Variants in ASTN2 observed in about 807,000 individuals in gnomAD.
ASTN2 encodes the protein astrotactin-2.
ASTN2 carries 54 observed loss-of-function variants against 139.8 expected under a neutral mutation model. That is an observed-to-expected ratio of 0.39 (90% CI 0.31 to 0.48). The LOEUF (loss-of-function observed/expected upper bound fraction) is 0.48. Among genes scored for constraint, ASTN2 ranks in the 20% least tolerant of loss-of-function variants. The pLI is 0.95. For synonymous variants in ASTN2, 756 were observed against 719.5 expected, an observed-to-expected ratio of 1.05 and a Z score of -0.81; for missense variants, 1,565 against 1,725.1, an observed-to-expected ratio of 0.91 and a Z score of 1.64.
At chr9:116,782,438 CT>C (rs1830243904) in intron 13 of ASTN2, among the ~76,000 whole-genome samples, 1 of 152,186 alleles carries the variant, frequency 6.6e-6, no homozygotes, top group Non-Finnish European at 1.5e-5. Context: ...ATTCTTCTTT[CT>C]GCCTTTTTTG....
chr9:117,232,988 G>A (rs1417460979), intron 2 of ASTN2, among the ~76,000 whole-genome samples: 1 of 151,770 alleles, frequency 6.6e-6, no homozygotes, highest in Non-Finnish European at 1.5e-5. Flanking sequence ...ATGAGTTCTG[G>A]CATTATCTAC....
chr9:116,679,065 T>G (rs528502851), intron 16 of ASTN2, among the ~76,000 whole-genome samples: 5 of 152,264 alleles, frequency 3.3e-5, no homozygotes, highest in Non-Finnish European at 7.4e-5. Context: ...CATGCTATCT[T>G]TATTGGGTCT....
intron 13 of ASTN2, among the ~76,000 whole-genome samples, chr9:116,773,838 A>G (rs1830013871): frequency 6.6e-6 from 1 of 152,108 alleles, no homozygotes; most frequent in Non-Finnish European, 1.5e-5. Context: ...TCCCTCCTAC[A>G]GATACAGATA....
chr9:116,927,355 G>T (rs1194343094), intron 10 of ASTN2, among the ~76,000 whole-genome samples: 1 of 152,156 alleles, frequency 6.6e-6, no homozygotes, highest in East Asian at 1.9e-4. Flanking sequence ...TGAAATAAAT[G>T]TAGAGCCATG....
At chr9:116,927,552 T>C (rs1834788640) in intron 10 of ASTN2, among the ~76,000 whole-genome samples, 1 of 152,190 alleles carries the variant, frequency 6.6e-6, no homozygotes, top group African/African-American at 2.4e-5. Context: ...ATTGATCAGC[T>C]CTATCTATGA....
chr9:116,689,722 G>A (rs1860468332), intron 16 of ASTN2, among the ~76,000 whole-genome samples: 1 of 152,162 alleles, frequency 6.6e-6, no homozygotes, highest in South Asian at 2.1e-4. Context: ...AAGTTGGGGG[G>A]TAAATCTCTC....
intron 13 of ASTN2, among the ~76,000 whole-genome samples, chr9:116,752,293 T>C (rs942729447): frequency 2.6e-5 from 4 of 152,062 alleles, no homozygotes; most frequent in African/African-American, 9.7e-5. Flanking sequence ...TAGACATCCA[T>C]GTGCCAAGTA....
chr9:117,047,703 C>T (rs137910186), intron 5 of ASTN2, among the ~76,000 whole-genome samples: 223 of 152,134 alleles, frequency 1.5e-3, no homozygotes, highest in Non-Finnish European at 2.7e-3. Context: ...AATTAGGTTG[C>T]CTTGAGCTTT....
chr9:116,716,853 G>T (rs1368393337), intron 16 of ASTN2, among the ~76,000 whole-genome samples: 2 of 152,184 alleles, frequency 1.3e-5, no homozygotes, highest in Non-Finnish European at 2.9e-5. Flanking sequence ...CAAGCTGAAG[G>T]TCTAAATTCC....
At chr9:117,286,354 C>CT (rs35094114) in intron 2 of ASTN2, among the ~76,000 whole-genome samples, 56,009 of 135,446 alleles carry the variant, frequency 0.41, 12,902 homozygotes, top group South Asian at 0.62. Flanking sequence ...TTCCCACTTT[C>CT]TTTTTTTTTT....
At chr9:117,148,500 C>T (rs964663713) in intron 3 of ASTN2, among the ~76,000 whole-genome samples, 3 of 152,118 alleles carry the variant, frequency 2.0e-5, no homozygotes, top group South Asian at 2.1e-4. Context: ...TATACATTCC[C>T]CCTTTCATTC....
rs58832163 is a variant in ASTN2 at position 116,948,785 on chromosome 9, G to GTTTTTTTTT, written c.1889+26414_1889+26422dup. Among the ~76,000 whole-genome samples the GTTTTTTTTT allele has an allele frequency of 6.7e-4, 33 of 49,472 alleles. 10 individuals are homozygous for GTTTTTTTTT. Among genetic ancestry groups the GTTTTTTTTT allele is most frequent in the African/African-American group, 2.1e-3 (24 of 11,588 alleles). 32.5% of individuals were successfully genotyped at this position (49,472 alleles called of 152,430 possible). A position where few individuals can be genotyped will look rare whatever the true frequency, so the allele number is the denominator to read the frequency against. On this transcript the variant is annotated intron_variant, in intron 10 of 22. Transcript: ENST00000313400. ...AGAGAGAGGAGAGAAATAATTTGGTGTTTTTTTTTTTTTTTTTTTTTTTTT... is the reference window on the plus strand; with the variant it reads ...AGAGAGAGGAGAGAAATAATTTGGTGTTTTTTTTTTTTTTTTTTTTTTTTTTTTTTTTTT...
intron 1 of ASTN2, among the ~76,000 whole-genome samples, chr9:117,336,058 A>G (rs75749592): frequency 3.1e-5 from 2 of 65,476 alleles, no homozygotes; most frequent in East Asian, 1.0e-3. Context: ...TCTGGAAAGG[A>G]AAAAAAAAAA....
chr9:117,095,874 A>G (rs1422352950), intron 5 of ASTN2, among the ~76,000 whole-genome samples, 170 bp downstream of exon 5: 2 of 152,242 alleles, frequency 1.3e-5, no homozygotes, highest in Non-Finnish European at 1.5e-5. Context: ...CAGGAAAAGC[A>G]TTATACTGAA....
intron 11 of ASTN2, among the ~76,000 whole-genome samples, chr9:116,857,203 TC>T (rs1832762467): frequency 6.6e-6 from 1 of 152,208 alleles, no homozygotes; most frequent in South Asian, 2.1e-4. Context: ...TACTAGCTTT[TC>T]TTTTTTGTAA....
chr9:117,014,924 A>G (rs540801760), intron 6 of ASTN2, among the ~76,000 whole-genome samples: 2 of 152,204 alleles, frequency 1.3e-5, no homozygotes, highest in Admixed American at 6.5e-5. Context: ...GAGAAAATAA[A>G]TTTCTGTTGC....
intron 5 of ASTN2, among the ~76,000 whole-genome samples, chr9:117,046,900 T>A (rs1324963165): frequency 2.0e-5 from 3 of 152,204 alleles, no homozygotes; most frequent in Non-Finnish European, 2.9e-5. Flanking sequence ...ATTGGAATGC[T>A]GCTATTGGTA....
At chr9:116,484,509 A>G (rs1233782238) in intron 20 of ASTN2, among the ~76,000 whole-genome samples, 3 of 152,262 alleles carry the variant, frequency 2.0e-5, no homozygotes, top group Middle Eastern at 3.4e-3. Flanking sequence ...AGCAAGCAAA[A>G]AATGAGAATC....
intron 5 of ASTN2, among the ~76,000 whole-genome samples, chr9:117,073,096 A>C (rs964643120): frequency 6.6e-6 from 1 of 152,178 alleles, no homozygotes; most frequent in South Asian, 2.1e-4. Flanking sequence ...GCACAAATTC[A>C]AACAAAATGA....
Sources: allele counts gnomAD v4.1 joint callset (sites outside exome capture counted in the v4.1 genomes callset), GRCh38; gene constraint gnomAD v4.1.1; transcripts MANE v1.5; gene names NCBI Gene and HGNC (gene_info 2026-07-23, HGNC 2026-07-21).